Variants in EPB41L4A observed in about 807,000 individuals in gnomAD.
EPB41L4A encodes the protein band 4.1-like protein 4A.
A neutral mutation model predicts 108.6 loss-of-function variants in EPB41L4A; 100 were observed. The observed-to-expected ratio is 0.92, with a 90% CI of 0.78 to 1.09. The LOEUF (loss-of-function observed/expected upper bound fraction) is 1.09. Among genes scored for constraint, EPB41L4A ranks in the 50% least tolerant of loss-of-function variants. The pLI, the probability that EPB41L4A is intolerant of heterozygous loss-of-function variation, is 0.00. For synonymous variants in EPB41L4A, 319 were observed against 289.0 expected (o/e 1.10, Z -1.05); for missense variants, 1,030 against 842.7 (o/e 1.22, Z -2.75).
chr5:112,408,073 G>A (rs1218171272), intron 1 of EPB41L4A, among the ~76,000 whole-genome samples: 1 of 152,176 alleles, frequency 6.6e-6, no homozygotes, highest in Non-Finnish European at 1.5e-5. Context: ...GTAGATCAAT[G>A]GGATAGAATT....
At chr5:112,413,660 C>G (rs1233732371) in intron 1 of EPB41L4A, among the ~76,000 whole-genome samples, 1 of 152,208 alleles carries the variant, frequency 6.6e-6, no homozygotes, top group Non-Finnish European at 1.5e-5. Flanking sequence ...CTTGGTCAGG[C>G]AGAAGTGAAG....
At chr5:112,322,699 G>GACACACACAC (rs111502535) in intron 1 of EPB41L4A, among the ~76,000 whole-genome samples, 121 of 145,958 alleles carry the variant, frequency 8.3e-4, no homozygotes, top group African/African-American at 2.6e-3. Flanking sequence ...TCCACTATGA[G>GACACACACAC]ACACACACAC....
At position 112,345,307 on chromosome 5, in the gene EPB41L4A, GAAAT is replaced by G. The variant is rs775439212; in HGVS notation, c.100-37821_100-37818del. 5.7e-4 allele frequency among the ~76,000 whole-genome samples: 86 copies of G among 152,178 alleles called. 1 individual carries two copies. Among genetic ancestry groups the G allele is most frequent in the Non-Finnish European group, 7.3e-5 (5 of 68,034 alleles). On this transcript the variant is annotated intron_variant, in intron 1 of 22. Coordinates refer to ENST00000261486, the MANE Select transcript of EPB41L4A (RefSeq NM_022140.5). ...ATTTGTAAGTCTTCAACCTAAATAT[GAAAT>G]AATAGGGAACTGACTATATAAAATT...
At chr5:112,338,042 C>T (rs1197080949) in intron 1 of EPB41L4A, among the ~76,000 whole-genome samples, 3 of 152,160 alleles carry the variant, frequency 2.0e-5, no homozygotes, top group African/African-American at 4.8e-5. Flanking sequence ...CAGGTCAGGC[C>T]TTCAACCTTC....
chr5:112,243,025 C>A (rs1013448913), intron 9 of EPB41L4A, among the ~76,000 whole-genome samples: 1 of 151,890 alleles, frequency 6.6e-6, no homozygotes, highest in Admixed American at 6.6e-5. Context: ...ACCAGCCTGG[C>A]CAACATGGCG....
chr5:112,164,559 T>G lies in EPB41L4A; in HGVS notation c.*431A>C, dbSNP rs546403108. Reference sequence around the variant, plus strand: ...AAGGTCCTTCAGCACAACTGTGCTGTAGTTAAACCATGGCCTATAATCCCA... The same window carrying G: ...AAGGTCCTTCAGCACAACTGTGCTGGAGTTAAACCATGGCCTATAATCCCA... On this transcript the variant is annotated 3_prime_UTR_variant, in exon 23 of 23. Transcript: ENST00000261486. The G allele has an allele frequency of 6.5e-6, 1 of 152,840 alleles. No individual in the cohort carries two copies. 9.5% of individuals were successfully genotyped at this position (152,840 alleles called of 1,614,324 possible).
At chr5:112,161,211 C>G (rs552183623), downstream of EPB41L4A, 48 of 268,274 alleles carry the variant, frequency 1.8e-4, 2 homozygotes, top group South Asian at 1.6e-3. Flanking sequence ...GCCCTGCCCC[C>G]GTATAAAATA....
chr5:112,303,761 A>T (rs1428745480), intron 2 of EPB41L4A, among the ~76,000 whole-genome samples: 3 of 152,174 alleles, frequency 2.0e-5, no homozygotes, highest in African/African-American at 7.2e-5. Context: ...CTGCATGGTG[A>T]TATGTTTAGG....
At chr5:112,282,964 C>G (rs1312349545) in intron 2 of EPB41L4A, among the ~76,000 whole-genome samples, 1 of 151,398 alleles carries the variant, frequency 6.6e-6, no homozygotes, top group Non-Finnish European at 1.5e-5. Context: ...GTCACTAAAG[C>G]CAGCTAAAGA....
chr5:112,273,899 G>A (rs1752437355), intron 4 of EPB41L4A, among the ~76,000 whole-genome samples: 1 of 152,002 alleles, frequency 6.6e-6, no homozygotes, highest in African/African-American at 2.4e-5. Flanking sequence ...AGAAAGATGT[G>A]CTCTGCAAAA....
rs575131220 is a variant in EPB41L4A at position 112,301,477 on chromosome 5, T to C, written c.204+5909A>G. ...CTCCAGGCTGGTACTAGGGGTTGTC[T>C]GCACAGAGTCCTGTGATGTGAACCA... is the stretch of plus-strand genomic sequence containing the variant. On this transcript the variant is annotated intron_variant, in intron 2 of 22. Transcript: ENST00000261486. Among the ~76,000 whole-genome samples the C allele has an allele frequency of 6.6e-5, 10 of 152,308 alleles. No homozygotes were observed. In the East Asian group the frequency reaches 1.9e-3, roughly 29 times the overall value.
intron 12 of EPB41L4A, among the ~76,000 whole-genome samples, chr5:112,230,939 A>G (rs951997124): frequency 1.3e-5 from 2 of 152,212 alleles, no homozygotes; most frequent in Non-Finnish European, 2.9e-5. Flanking sequence ...AAAAGTCAGG[A>G]TAAAAGCAAT....
intron 4 of EPB41L4A, among the ~76,000 whole-genome samples, chr5:112,272,781 C>CAAAAAAA (rs35621227): frequency 1.1e-5 from 1 of 90,494 alleles, no homozygotes; most frequent in Non-Finnish European, 2.0e-5. Context: ...AACTCCGTCT[C>CAAAAAAA]AAAAAAAAAA....
intron 2 of EPB41L4A, among the ~76,000 whole-genome samples, chr5:112,297,341 G>C (rs1393627782): frequency 6.6e-6 from 1 of 151,942 alleles, no homozygotes; most frequent in African/African-American, 2.4e-5. Flanking sequence ...TTCTTGCAGG[G>C]GTAAGGTGGT....
intron 10 of EPB41L4A, 47 bp downstream of exon 10, chr5:112,240,672 C>CA: frequency 9.9e-7 from 1 of 1,010,326 alleles, no homozygotes; most frequent in South Asian, 1.6e-5. Flanking sequence ...AAATAAATGC[C>CA]ATTTTCATTT....
intron 15 of EPB41L4A, among the ~76,000 whole-genome samples, chr5:112,202,222 C>G (rs1762254190): frequency 2.6e-5 from 4 of 152,102 alleles, no homozygotes; most frequent in African/African-American, 9.7e-5. Context: ...CAAGAGTGGT[C>G]CCTGTCTAGC....
intron 1 of EPB41L4A, among the ~76,000 whole-genome samples, chr5:112,410,656 C>A (rs1451601418): frequency 1.3e-5 from 2 of 152,048 alleles, no homozygotes; most frequent in African/African-American, 2.4e-5. Context: ...CCACTGGCCT[C>A]AGGGAAACTG....
chr5:112,343,625 A>G (rs1273159479), intron 1 of EPB41L4A, among the ~76,000 whole-genome samples: 2 of 152,090 alleles, frequency 1.3e-5, no homozygotes, highest in East Asian at 3.9e-4. Flanking sequence ...ATCATTTCAG[A>G]ACAGAGCTTA....
At chr5:112,325,526 G>A (rs966422050) in intron 1 of EPB41L4A, among the ~76,000 whole-genome samples, 28 of 151,860 alleles carry the variant, frequency 1.8e-4, no homozygotes, top group African/African-American at 6.3e-4. Context: ...TATAAAAGCA[G>A]AGTAGAGTTT....
Sources: allele counts gnomAD v4.1 joint callset (sites outside exome capture counted in the v4.1 genomes callset), GRCh38; gene constraint gnomAD v4.1.1; transcripts MANE v1.5; gene names NCBI Gene and HGNC (gene_info 2026-07-23, HGNC 2026-07-21).